The following CHRM3 variants were observed in gnomAD, a reference collection of about 807,000 sequenced individuals.
CHRM3 encodes cholinergic receptor muscarinic 3.
CHRM3 carries 11 observed loss-of-function variants against 41.8 expected under a neutral mutation model. The ratio of observed to expected loss-of-function variants is 0.26; its 90% CI spans 0.17 to 0.44. The LOEUF (loss-of-function observed/expected upper bound fraction) is 0.44. Among genes scored for constraint, CHRM3 ranks in the 20% least tolerant of loss-of-function variants. The pLI, the probability that CHRM3 is intolerant of heterozygous loss-of-function variation, is 1.00. For missense variants in CHRM3, 571 were observed against 745.4 expected (o/e 0.77, Z 2.72); for synonymous variants, 297 against 301.4 (o/e 0.99, Z 0.15).
chr1:239,639,794 C>A (rs908171906), intron 4 of CHRM3, among the ~76,000 whole-genome samples: 1 of 149,180 alleles, frequency 6.7e-6, no homozygotes, highest in African/African-American at 2.5e-5. Flanking sequence ...GAACTTCCAA[C>A]ACTATGTTGA....
intron 4 of CHRM3, among the ~76,000 whole-genome samples, chr1:239,662,889 C>CCTT (rs1673351674): frequency 8.2e-6 from 1 of 122,326 alleles, no homozygotes; most frequent in Admixed American, 9.1e-5. Flanking sequence ...TCCTCTTCCT[C>CCTT]CTCCTCTTCT....
chr1:239,445,503 G>T (rs549611087), intron 1 of CHRM3, among the ~76,000 whole-genome samples: 3 of 152,304 alleles, frequency 2.0e-5, no homozygotes, highest in African/African-American at 4.8e-5. Flanking sequence ...TCTGTTGCGG[G>T]TGGACTGTGT....
chr1:239,563,612 G>C (rs936689552), intron 3 of CHRM3, among the ~76,000 whole-genome samples: 3 of 152,090 alleles, frequency 2.0e-5, no homozygotes, highest in African/African-American at 7.2e-5. Flanking sequence ...GCAGCGATTT[G>C]TTTCAAGAGA....
chr1:239,858,325 G>A (rs1021071184), intron 6 of CHRM3, among the ~76,000 whole-genome samples: 9 of 151,974 alleles, frequency 5.9e-5, no homozygotes, highest in South Asian at 2.1e-4. Context: ...TTTAGAGCTC[G>A]GTTTTAGCTT....
chr1:239,525,900 G>C (rs113186682), intron 2 of CHRM3, among the ~76,000 whole-genome samples: 2,462 of 152,262 alleles, frequency 0.016, 34 homozygotes, highest in South Asian at 0.037. Context: ...AAGAAACCCT[G>C]ATGCCCAGGA....
chr1:239,394,615 C>T (rs1366540716), intron 1 of CHRM3, among the ~76,000 whole-genome samples: 1 of 152,138 alleles, frequency 6.6e-6, no homozygotes, highest in African/African-American at 2.4e-5. Flanking sequence ...GGACCTCTCT[C>T]TTGTGTTAAA....
At chr1:239,874,524 A>G (rs1010584784) in intron 6 of CHRM3, among the ~76,000 whole-genome samples, 3 of 151,316 alleles carry the variant, frequency 2.0e-5, no homozygotes, top group Admixed American at 1.3e-4. Flanking sequence ...GGATTTTGGT[A>G]TCTGCAGGGG....
At chr1:239,559,779 A>G (rs1352739189) in intron 3 of CHRM3, among the ~76,000 whole-genome samples, 2 of 152,182 alleles carry the variant, frequency 1.3e-5, no homozygotes, top group Non-Finnish European at 2.9e-5. Context: ...ATAACACTAT[A>G]CCACTGGAGT....
chr1:239,395,554 C>A (rs1335594647), intron 1 of CHRM3, among the ~76,000 whole-genome samples: 2 of 152,092 alleles, frequency 1.3e-5, no homozygotes, highest in African/African-American at 4.8e-5. Context: ...CTCCTGCTAC[C>A]AATATCTTAA....
chr1:239,392,228 A>G (rs1404315401), intron 1 of CHRM3, among the ~76,000 whole-genome samples: 2 of 152,160 alleles, frequency 1.3e-5, no homozygotes, highest in African/African-American at 4.8e-5. Flanking sequence ...CTGACAGTGC[A>G]TCATTTCCGC....
At chr1:239,753,675 G>T (rs1183841988) in intron 5 of CHRM3, among the ~76,000 whole-genome samples, 2 of 152,140 alleles carry the variant, frequency 1.3e-5, no homozygotes, top group Non-Finnish European at 2.9e-5. Context: ...AACCATATCA[G>T]ATAGTAAGTC....
chr1:239,411,813 G>A (rs910958584), intron 1 of CHRM3, among the ~76,000 whole-genome samples: 3 of 146,506 alleles, frequency 2.0e-5, no homozygotes, highest in East Asian at 2.0e-4. Flanking sequence ...CATTTGGAAA[G>A]TAACGTAATT....
intron 2 of CHRM3, among the ~76,000 whole-genome samples, chr1:239,497,614 C>T (rs1218104185): frequency 2.0e-5 from 3 of 152,178 alleles, no homozygotes; most frequent in Admixed American, 6.5e-5. Context: ...TTTATGCTTT[C>T]GTTTCTTTCC....
intron 4 of CHRM3, among the ~76,000 whole-genome samples, chr1:239,669,850 T>C (rs1674184759): frequency 6.6e-6 from 1 of 152,240 alleles, no homozygotes; most frequent in African/African-American, 2.4e-5. Context: ...ATACCCATCT[T>C]GCAGCTTCAA....
intron 6 of CHRM3, chr1:239,886,104 T>G (rs751786993): frequency 3.3e-5 from 5 of 152,182 alleles, no homozygotes; most frequent in Non-Finnish European, 7.4e-5. Context: ...GAAAGGCACA[T>G]GGTGGTGATA....
chr1:239,678,929 C>T (rs1355040503), intron 5 of CHRM3, among the ~76,000 whole-genome samples: 2 of 152,030 alleles, frequency 1.3e-5, no homozygotes, highest in Non-Finnish European at 2.9e-5. Context: ...AGTAGATTCT[C>T]ACTATATATA....
chr1:239,491,642 G>A lies in CHRM3; in HGVS notation c.-520-1067G>A, dbSNP rs974345305. 4.6e-5 allele frequency among the ~76,000 whole-genome samples: 7 copies of A among 152,324 alleles called. No individual in the cohort carries two copies. In the South Asian group the frequency reaches 1.2e-3, roughly 27 times the overall value. ...GCTATTGTGAATAGTGCCACAATAAGCATAGGAGGGCAGATGTCTCTCGGA... is the reference window on the plus strand; with the variant it reads ...GCTATTGTGAATAGTGCCACAATAAACATAGGAGGGCAGATGTCTCTCGGA... On this transcript the variant is annotated intron_variant, in intron 1 of 6. Coordinates refer to ENST00000676153, the MANE Select transcript of CHRM3 (RefSeq NM_001375978.1).
chr1:239,400,378 A>G (rs1212551820), intron 1 of CHRM3, among the ~76,000 whole-genome samples: 2 of 152,142 alleles, frequency 1.3e-5, no homozygotes, highest in Admixed American at 6.5e-5. Context: ...GATAGTTTGC[A>G]AATATTTTCT....
chr1:239,741,351 T>C (rs181149141), intron 5 of CHRM3, among the ~76,000 whole-genome samples: 2 of 152,274 alleles, frequency 1.3e-5, no homozygotes, highest in East Asian at 3.9e-4. Flanking sequence ...TCTTCAAAGA[T>C]AGGGATATTC....
Sources: gnomAD v4.1 joint callset for allele counts (sites outside exome capture counted in the v4.1 genomes callset) on GRCh38, gnomAD v4.1.1 for gene constraint, MANE v1.5 for transcripts, NCBI Gene and HGNC (gene_info 2026-07-23, HGNC 2026-07-21) for gene names.